RBMS3: variants seen among roughly 807,000 people sequenced by gnomAD.
RBMS3 encodes the protein RNA binding motif single stranded interacting protein 3.
Under a neutral mutation model 66.8 loss-of-function variants are expected in RBMS3, and 27 were observed. The observed-to-expected ratio is 0.40, with a 90% CI of 0.30 to 0.56. The LOEUF (loss-of-function observed/expected upper bound fraction) is 0.56, where lower values mean the gene tolerates loss of function less well. Ranked by LOEUF, RBMS3 falls within the 20% of genes least tolerant of loss-of-function variation. The pLI is 0.40. For synonymous variants in RBMS3, 188 were observed against 183.0 expected (o/e 1.03, Z -0.22); for missense variants, 513 against 549.5 (o/e 0.93, Z 0.66).
chr3:29,577,931 T>TG (rs1268313754), intron 3 of RBMS3, among the ~76,000 whole-genome samples: 10 of 152,324 alleles, frequency 6.6e-5, no homozygotes, highest in African/African-American at 2.2e-4. Context: ...GTGCAGATAG[T>TG]TGCTAAAATT....
chr3:29,652,367 T>A (rs919367216), intron 4 of RBMS3, among the ~76,000 whole-genome samples: 1 of 152,136 alleles, frequency 6.6e-6, no homozygotes, highest in Admixed American at 6.6e-5. Flanking sequence ...AACAATTATT[T>A]AAGCATTATT....
chr3:29,439,750 C>T (rs2041546518), intron 2 of RBMS3, among the ~76,000 whole-genome samples: 1 of 151,910 alleles, frequency 6.6e-6, no homozygotes, highest in Non-Finnish European at 1.5e-5. Context: ...TAATGCTATC[C>T]CTCCCCCCTT....
intron 10 of RBMS3, among the ~76,000 whole-genome samples, chr3:29,915,506 G>C (rs528550104): frequency 1.3e-5 from 2 of 152,050 alleles, no homozygotes; most frequent in African/African-American, 4.8e-5. Flanking sequence ...ACATTTTAAA[G>C]AGCAGAAGTT....
At position 29,593,110 on chromosome 3, in the gene RBMS3, C is replaced by A. The variant is rs900627002; in HGVS notation, c.399+5905C>A. Among the ~76,000 whole-genome samples, 24 of 152,048 alleles carry A rather than the reference C, an allele frequency of 1.6e-4. No individual in the cohort carries two copies. The East Asian group carries it at 3.7e-3, about 23-fold the overall frequency. The stretch of plus-strand genomic sequence containing the variant: ...AACACACGAACATGGCACATGTATA[C>A]ATATGTAACAAACCTGCACGTTGTG... On this transcript the variant is annotated intron_variant, in intron 4 of 14. Coordinates refer to ENST00000383767, the MANE Select transcript of RBMS3 (RefSeq NM_001003793.3).
intron 1 of RBMS3, among the ~76,000 whole-genome samples, chr3:29,321,365 T>C (rs1316551193): frequency 6.6e-6 from 1 of 152,264 alleles, no homozygotes; most frequent in Admixed American, 6.5e-5. Flanking sequence ...ATTCAGTTAC[T>C]TCAAAGTTAA....
At chr3:29,597,518 G>A (rs575208301) in intron 4 of RBMS3, among the ~76,000 whole-genome samples, 26 of 152,190 alleles carry the variant, frequency 1.7e-4, no homozygotes, top group Admixed American at 4.6e-4. Flanking sequence ...TTTTCCCACC[G>A]TGTCCAGGAC....
At chr3:29,405,882 T>C (rs942419322) in intron 1 of RBMS3, among the ~76,000 whole-genome samples, 1 of 152,212 alleles carries the variant, frequency 6.6e-6, no homozygotes, top group African/African-American at 2.4e-5. Context: ...ATGTATTTGC[T>C]ATCTCTTAAG....
At chr3:29,998,057 C>T (rs1263167167) in intron 14 of RBMS3, among the ~76,000 whole-genome samples, 3 of 152,156 alleles carry the variant, frequency 2.0e-5, no homozygotes, top group Non-Finnish European at 4.4e-5. Flanking sequence ...AGCTGATAAG[C>T]AACTTCAGCA....
At chr3:29,627,797 G>T (rs574522129) in intron 4 of RBMS3, among the ~76,000 whole-genome samples, 1 of 152,254 alleles carries the variant, frequency 6.6e-6, no homozygotes, top group African/African-American at 2.4e-5. Context: ...AGGGAGAGAA[G>T]GAGGAAGAGA....
intron 12 of RBMS3, among the ~76,000 whole-genome samples, chr3:29,973,422 A>G (rs1448631495): frequency 2.0e-5 from 3 of 151,990 alleles, no homozygotes; most frequent in Admixed American, 6.6e-5. Flanking sequence ...TTATATATGT[A>G]AGATTAACAA....
At chr3:29,739,292 T>TA (rs1403123214) in intron 4 of RBMS3, among the ~76,000 whole-genome samples, 1 of 151,748 alleles carries the variant, frequency 6.6e-6, no homozygotes, top group African/African-American at 2.4e-5. Flanking sequence ...CCGTCTCTAC[T>TA]AAAAATACAA....
At chr3:29,915,345 A>C (rs2060612222) in intron 10 of RBMS3, among the ~76,000 whole-genome samples, 1 of 151,860 alleles carries the variant, frequency 6.6e-6, no homozygotes, top group Admixed American at 6.6e-5. Context: ...CACTAATTCC[A>C]ATGTGTTTCC....
chr3:29,291,075 G>C (rs1203714360), intron 1 of RBMS3, among the ~76,000 whole-genome samples: 1 of 151,878 alleles, frequency 6.6e-6, no homozygotes, highest in African/African-American at 2.4e-5. Context: ...TCTTTTTCAG[G>C]TACAAAGAGA....
chr3:29,287,115 A>G (rs1183591767), intron 1 of RBMS3, among the ~76,000 whole-genome samples: 2 of 152,110 alleles, frequency 1.3e-5, no homozygotes, highest in Non-Finnish European at 2.9e-5. Context: ...TGTTGAGGAT[A>G]TGTGTTGCTA....
intron 6 of RBMS3, among the ~76,000 whole-genome samples, chr3:29,776,329 G>A (rs963686201): frequency 2.0e-5 from 3 of 151,814 alleles, no homozygotes; most frequent in Non-Finnish European, 2.9e-5. Flanking sequence ...TCTTTTTTAC[G>A]TTTTAACTTG....
intron 12 of RBMS3, among the ~76,000 whole-genome samples, chr3:29,982,340 A>G (rs1452364424): frequency 6.6e-6 from 1 of 151,918 alleles, no homozygotes; most frequent in Non-Finnish European, 1.5e-5. Flanking sequence ...CTAATAGTCT[A>G]TTTTGTTAAT....
intron 1 of RBMS3, among the ~76,000 whole-genome samples, chr3:29,305,515 G>A (rs557549160): frequency 2.0e-4 from 30 of 151,900 alleles, no homozygotes; most frequent in East Asian, 3.9e-4. Flanking sequence ...CAGTTCCTAC[G>A]CCAAATTGTA....
chr3:29,318,756 C>A (rs1432936705), intron 1 of RBMS3, among the ~76,000 whole-genome samples: 1 of 151,712 alleles, frequency 6.6e-6, no homozygotes, highest in Non-Finnish European at 1.5e-5. Flanking sequence ...GCTAGGGATG[C>A]CAACTTGAAT....
chr3:29,489,739 TAAA>T (rs201069908), intron 3 of RBMS3, among the ~76,000 whole-genome samples: 18 of 123,986 alleles, frequency 1.5e-4, no homozygotes, highest in African/African-American at 2.9e-4. Flanking sequence ...CACGTAGCTG[TAAA>T]AAAAAAAAAA....
Sources: allele counts gnomAD v4.1 joint callset (sites outside exome capture counted in the v4.1 genomes callset), GRCh38; gene constraint gnomAD v4.1.1; transcripts MANE v1.5; gene names NCBI Gene and HGNC (gene_info 2026-07-23, HGNC 2026-07-21).